The following GNA12 variants were observed in gnomAD, a reference collection of about 807,000 sequenced individuals.
GNA12 encodes guanine nucleotide-binding protein subunit alpha-12.
In GNA12, 9 loss-of-function variants were observed where a neutral mutation model predicts 26.0. That is an observed-to-expected ratio of 0.35 (90% CI 0.21 to 0.60). GNA12 has a LOEUF of 0.60. Among genes scored for constraint, GNA12 ranks in the 20% least tolerant of loss-of-function variants. The pLI is 0.78. For synonymous variants in GNA12, 264 were observed against 219.6 expected, an observed-to-expected ratio of 1.20 and a Z score of -1.79; for missense variants, 405 against 525.8, an observed-to-expected ratio of 0.77 and a Z score of 2.25.
intron 2 of GNA12, among the ~76,000 whole-genome samples, chr7:2,772,105 A>T (rs1183323578): frequency 1.3e-5 from 2 of 152,230 alleles, no homozygotes; most frequent in African/African-American, 2.4e-5. Flanking sequence ...CTTTTAAAAA[A>T]ATTGTTTTCT....
chr7:2,768,844 ATTTG>A (rs1000658099), intron 2 of GNA12, among the ~76,000 whole-genome samples: 1 of 152,190 alleles, frequency 6.6e-6, no homozygotes, highest in Non-Finnish European at 1.5e-5. Flanking sequence ...CACTTTAATG[ATTTG>A]TTTGGTTTAT....
At chr7:2,735,788 G>C (rs890004798) in intron 2 of GNA12, among the ~76,000 whole-genome samples, 2 of 152,170 alleles carry the variant, frequency 1.3e-5, no homozygotes, top group African/African-American at 2.4e-5. Context: ...TTTCATGTCA[G>C]GGCGGCCTCA....
At chr7:2,802,877 C>T (rs1045928761) in intron 1 of GNA12, among the ~76,000 whole-genome samples, 5 of 152,206 alleles carry the variant, frequency 3.3e-5, no homozygotes, top group African/African-American at 4.8e-5. Context: ...GAGAAACTGA[C>T]GAAGGGAGGC....
intron 2 of GNA12, among the ~76,000 whole-genome samples, chr7:2,738,004 C>T (rs1583213751): frequency 6.6e-6 from 1 of 152,168 alleles, no homozygotes; most frequent in Non-Finnish European, 1.5e-5. Context: ...AATGATACCA[C>T]AGCTGTGAAA....
chr7:2,818,711 C>T (rs190256236), intron 1 of GNA12, among the ~76,000 whole-genome samples: 32 of 148,700 alleles, frequency 2.2e-4, no homozygotes, highest in Non-Finnish European at 3.5e-4. Context: ...TGCAGTGAGC[C>T]GAGATCGCGC....
intron 1 of GNA12, among the ~76,000 whole-genome samples, chr7:2,831,524 C>G (rs1350229435): frequency 2.0e-5 from 3 of 151,832 alleles, no homozygotes; most frequent in Admixed American, 6.6e-5. Flanking sequence ...CTGCCTCAGC[C>G]TCCCGAGTAG....
intron 1 of GNA12, among the ~76,000 whole-genome samples, chr7:2,839,297 G>A (rs1778923945): frequency 1.3e-5 from 2 of 152,090 alleles, no homozygotes; most frequent in Non-Finnish European, 2.9e-5. Flanking sequence ...GCAGTGGCAC[G>A]ATGTTGGCTC....
At chr7:2,735,391 G>C (rs1206371726) in intron 2 of GNA12, among the ~76,000 whole-genome samples, 1 of 152,210 alleles carries the variant, frequency 6.6e-6, no homozygotes, top group African/African-American at 2.4e-5. Context: ...GTCAGGCATG[G>C]AGAGTCACAG....
intron 2 of GNA12, among the ~76,000 whole-genome samples, chr7:2,779,349 T>A (rs1215717769): frequency 6.6e-6 from 1 of 151,986 alleles, no homozygotes; most frequent in Non-Finnish European, 1.5e-5. Flanking sequence ...CCCTGTCTCA[T>A]AAATAAATAA....
chr7:2,804,428 C>A (rs995650684), intron 1 of GNA12, among the ~76,000 whole-genome samples: 1 of 152,188 alleles, frequency 6.6e-6, no homozygotes, highest in Admixed American at 6.5e-5. Flanking sequence ...CCGGGTTCCT[C>A]TGGACTATGG....
chr7:2,768,682 C>CAA (rs199608558), intron 2 of GNA12, among the ~76,000 whole-genome samples: 2 of 97,624 alleles, frequency 2.0e-5, no homozygotes, highest in African/African-American at 6.5e-5. Context: ...AAAAACAAAA[C>CAA]AAAACAAAAA....
chr7:2,831,414 T>G (rs1339365416), intron 1 of GNA12, among the ~76,000 whole-genome samples: 1 of 148,148 alleles, frequency 6.8e-6, no homozygotes, highest in Non-Finnish European at 1.5e-5. Flanking sequence ...CTTTTTTTTT[T>G]TTTTTTTGAG....
chr7:2,777,568 A>G (rs954717947), intron 2 of GNA12, among the ~76,000 whole-genome samples: 3 of 152,272 alleles, frequency 2.0e-5, no homozygotes, highest in Admixed American at 6.5e-5. Context: ...TGACCTGATT[A>G]GTGCCCTTAT....
intron 2 of GNA12, among the ~76,000 whole-genome samples, chr7:2,754,259 C>T (rs938903016): frequency 6.6e-6 from 1 of 152,150 alleles, no homozygotes; most frequent in East Asian, 1.9e-4. Flanking sequence ...TCTTCTCGTG[C>T]TTATGTGCCA....
At chr7:2,756,884 G>A (rs1791323958) in intron 2 of GNA12, among the ~76,000 whole-genome samples, 1 of 151,812 alleles carries the variant, frequency 6.6e-6, no homozygotes, top group South Asian at 2.1e-4. Context: ...GGTTGGTCTG[G>A]GTAACACAGT....
chr7:2,784,284 AT>A (rs1223497022), intron 2 of GNA12, among the ~76,000 whole-genome samples: 2 of 151,798 alleles, frequency 1.3e-5, no homozygotes, highest in Non-Finnish European at 2.9e-5. Context: ...CACCTGGATA[AT>A]CTTTTTGTAT....
chr7:2,798,625 C>A (rs1792735402), intron 1 of GNA12, among the ~76,000 whole-genome samples: 1 of 152,056 alleles, frequency 6.6e-6, no homozygotes, highest in Non-Finnish European at 1.5e-5. Context: ...CCATAAAATC[C>A]CAGCAGGATC....
intron 2 of GNA12, among the ~76,000 whole-genome samples, chr7:2,735,531 G>A (rs917182940): frequency 6.6e-6 from 1 of 152,162 alleles, no homozygotes; most frequent in African/African-American, 2.4e-5. Context: ...CAAGCTCGAT[G>A]GGAAGCAGAA....
rs1242547838 is a variant in GNA12, at chr7:2,844,012, C to A, written c.150G>T (p.Glu50Asp). 6.6e-6 allele frequency: 10 copies of A among 1,522,722 alleles called. No individual in the cohort carries two copies. Among genetic ancestry groups the A allele is most frequent in the Non-Finnish European group, 8.8e-6 (10 of 1,135,116 alleles). 94.3% of individuals were successfully genotyped at this position (1,522,722 alleles called of 1,614,324 possible). The change falls in exon 1 of 4, where the codon GAG becomes GAT. Residue 50 changes from glutamate to aspartate, a missense_variant. Physicochemically the swap from Glu to Asp is conservative, Grantham distance 45 (BLOSUM62 2). Coordinates refer to ENST00000275364, the MANE Select transcript of GNA12 (RefSeq NM_007353.3). ...TCACCAGGCGCCGGACCGCGCGCCG[C>A]TCGCGGGCCAGCAGCGCGTCGATGT... ...SRDIDALLAR[E>D]RRAVRRLVKI...
Sources: gnomAD v4.1 joint callset for allele counts (sites outside exome capture counted in the v4.1 genomes callset) on GRCh38, gnomAD v4.1.1 for gene constraint, MANE v1.5 for transcripts, NCBI Gene and HGNC (gene_info 2026-07-23, HGNC 2026-07-21) for gene names.